The following CSMD1 variants were observed in gnomAD, a reference collection of about 807,000 sequenced individuals.
CSMD1 encodes the protein CUB and Sushi multiple domains 1, also known as CUB and sushi domain-containing protein 1.
A neutral mutation model predicts 417.5 loss-of-function variants in CSMD1; 213 were observed. The observed-to-expected ratio is 0.51, with a 90% CI of 0.46 to 0.57. CSMD1 has a LOEUF of 0.57. Among genes scored for constraint, CSMD1 ranks in the 20% least tolerant of loss-of-function variants. CSMD1 has a pLI of 0.00. For synonymous variants in CSMD1, 2,862 were observed against 1,736.8 expected (o/e 1.65, Z -16.11); for missense variants, 6,923 against 4,529.7 (o/e 1.53, Z -15.17).
At chr8:3,096,342 T>C (rs1037796300) in intron 47 of CSMD1, among the ~76,000 whole-genome samples, 7 of 152,226 alleles carry the variant, frequency 4.6e-5, no homozygotes, top group East Asian at 3.9e-4. Flanking sequence ...TGGGAGGTAA[T>C]TGAATCATGT....
At chr8:4,514,724 A>G (rs1313709947) in intron 2 of CSMD1, among the ~76,000 whole-genome samples, 1 of 152,194 alleles carries the variant, frequency 6.6e-6, no homozygotes, top group Non-Finnish European at 1.5e-5. Flanking sequence ...ACCTGCTATT[A>G]GTAACTTCCT....
At chr8:4,643,523 A>T (rs1803335072) in intron 1 of CSMD1, among the ~76,000 whole-genome samples, 1 of 152,170 alleles carries the variant, frequency 6.6e-6, no homozygotes, top group Non-Finnish European at 1.5e-5. Context: ...AACATAAAAT[A>T]AAGAAAAAAT....
intron 49 of CSMD1, among the ~76,000 whole-genome samples, chr8:3,074,396 A>G (rs533249042): frequency 1.3e-5 from 2 of 152,286 alleles, no homozygotes; most frequent in South Asian, 4.1e-4. Context: ...CCGCACCCCC[A>G]GGTCCATAGG....
chr8:3,772,660 T>A (rs1249412685), intron 5 of CSMD1, among the ~76,000 whole-genome samples: 1 of 140,624 alleles, frequency 7.1e-6, no homozygotes, highest in Non-Finnish European at 1.5e-5. Context: ...CATATATACA[T>A]ACATTTATAT....
rs540819247 is a variant in CSMD1 at position 4,279,128 on chromosome 8, G to A, written c.415+140825C>T. On this transcript the variant is annotated intron_variant, in intron 3 of 69. Coordinates refer to ENST00000635120, the MANE Select transcript of CSMD1 (RefSeq NM_033225.6). ...ACCAACCGTATTAGCAAACTTCTGA[G>A]CATCTCCGTTTAGACGTGCAAAGGA... Among the ~76,000 whole-genome samples the A allele has an allele frequency of 3.3e-5, 5 of 152,152 alleles. No homozygotes were observed. The East Asian group carries it at 9.7e-4, about 29-fold the overall frequency.
intron 41 of CSMD1, among the ~76,000 whole-genome samples, chr8:3,138,750 G>A (rs1009918780): frequency 6.6e-6 from 1 of 152,182 alleles, no homozygotes; most frequent in African/African-American, 2.4e-5. Flanking sequence ...AGGGGCAAGT[G>A]AGAATCGAGA....
intron 25 of CSMD1, among the ~76,000 whole-genome samples, chr8:3,305,733 A>T (rs182984063): frequency 1.1e-4 from 16 of 152,286 alleles, no homozygotes; most frequent in Non-Finnish European, 7.4e-5. Context: ...AGGTTGGAGT[A>T]CAGTGGCACG....
chr8:3,709,521 T>G (rs979741845), intron 6 of CSMD1, among the ~76,000 whole-genome samples: 2 of 151,816 alleles, frequency 1.3e-5, no homozygotes, highest in African/African-American at 4.8e-5. Flanking sequence ...ATGGATGATA[T>G]TAACATTTGA....
chr8:2,972,688 C>A (rs1189281618), intron 57 of CSMD1, among the ~76,000 whole-genome samples: 1 of 152,176 alleles, frequency 6.6e-6, no homozygotes, highest in Non-Finnish European at 1.5e-5. Context: ...ATAGAGTGCT[C>A]CACACACAGG....
intron 3 of CSMD1, among the ~76,000 whole-genome samples, chr8:4,302,166 G>C (rs766373537): frequency 6.6e-6 from 1 of 152,168 alleles, no homozygotes; most frequent in African/African-American, 2.4e-5. Context: ...AAGGCCAATT[G>C]CCAGGTGGAA....
At chr8:4,692,548 T>C (rs1052301143) in intron 1 of CSMD1, among the ~76,000 whole-genome samples, 10 of 152,114 alleles carry the variant, frequency 6.6e-5, no homozygotes, top group Non-Finnish European at 1.3e-4. Context: ...AGCAGCCACA[T>C]GAAGAGGGCC....
intron 5 of CSMD1, among the ~76,000 whole-genome samples, chr8:3,962,007 G>C (rs999084122): frequency 4.6e-5 from 7 of 152,130 alleles, no homozygotes; most frequent in Admixed American, 3.9e-4. Context: ...AAAGACATGC[G>C]TGCTTGTGTC....
At chr8:4,891,189 T>G (rs542219664) in intron 1 of CSMD1, among the ~76,000 whole-genome samples, 2 of 152,086 alleles carry the variant, frequency 1.3e-5, no homozygotes, top group Non-Finnish European at 2.9e-5. Context: ...CATCTGGAAG[T>G]GAAACATGTG....
chr8:4,339,087 T>G lies in CSMD1; in HGVS notation c.415+80866A>C, dbSNP rs77720751. 6.3e-3 allele frequency among the ~76,000 whole-genome samples: 952 copies of G among 152,214 alleles called. 4 individuals are homozygous for G. Among genetic ancestry groups the G allele is most frequent in the Non-Finnish European group, 0.011 (717 of 67,992 alleles). ...GCTTGGGTAGTAGAGGCATGGATTC[T>G]GAGTCTAGACAAAAGAGCTCATCTC... On this transcript the variant is annotated intron_variant, in intron 3 of 69. Coordinates refer to ENST00000635120, the MANE Select transcript of CSMD1 (RefSeq NM_033225.6).
chr8:3,637,204 G>C lies in CSMD1; in HGVS notation c.1010-20407C>G, dbSNP rs868360034. On this transcript the variant is annotated intron_variant, in intron 7 of 69. Coordinates refer to ENST00000635120, the MANE Select transcript of CSMD1 (RefSeq NM_033225.6). ...GTTTAACACAGTTTTTAAGCTGTGT[G>C]ACATATTCTAACTTTTACTAGGTAA... is the stretch of plus-strand genomic sequence containing the variant. 7.9e-5 allele frequency among the ~76,000 whole-genome samples: 12 copies of C among 152,310 alleles called. No homozygotes were observed. The East Asian group carries it at 1.4e-3, about 17-fold the overall frequency.
chr8:4,730,471 T>C (rs1385733326), intron 1 of CSMD1, among the ~76,000 whole-genome samples: 1 of 152,174 alleles, frequency 6.6e-6, no homozygotes, highest in South Asian at 2.1e-4. Context: ...CCAGGAGCAG[T>C]GGCTCACACC....
In CSMD1 at chr8:3,277,407, A is replaced by AGACCCCCGGTG; in HGVS notation, c.4153+6736_4153+6737insCACCGGGGGTC. ...AGGAAGCCCGTGAGCAAGGCAGGGCAGCTCAGACCCCCAGCGGCGTAGACC... is the reference window on the plus strand; with the variant it reads ...AGGAAGCCCGTGAGCAAGGCAGGGCAGACCCCCGGTGGCTCAGACCCCCAGCGGCGTAGACC... On this transcript the variant is annotated intron_variant, in intron 26 of 69. Coordinates refer to ENST00000635120, the MANE Select transcript of CSMD1 (RefSeq NM_033225.6). Among the ~76,000 whole-genome samples the AGACCCCCGGTG allele has an allele frequency of 2.0e-5, 3 of 152,000 alleles. No individual in the cohort carries two copies. In the East Asian group the frequency reaches 5.8e-4, roughly 30 times the overall value.
chr8:3,579,828 G>T (rs1800306325), intron 9 of CSMD1, among the ~76,000 whole-genome samples: 1 of 152,242 alleles, frequency 6.6e-6, no homozygotes, highest in African/African-American at 2.4e-5. Context: ...AGCAAGGCCA[G>T]TGTGGTGGCT....
At chr8:3,988,856 T>G (rs1814528389) in intron 5 of CSMD1, among the ~76,000 whole-genome samples, 1 of 152,198 alleles carries the variant, frequency 6.6e-6, no homozygotes, top group Non-Finnish European at 1.5e-5. Context: ...TAAAGTGATA[T>G]TATTACTGTT....
Sources: allele counts gnomAD v4.1 joint callset (sites outside exome capture counted in the v4.1 genomes callset), GRCh38; gene constraint gnomAD v4.1.1; transcripts MANE v1.5; gene names NCBI Gene and HGNC (gene_info 2026-07-23, HGNC 2026-07-21).